Variants in PLAGL1 observed in about 807,000 individuals in gnomAD.
PLAGL1 encodes the protein zinc finger protein PLAGL1.
In PLAGL1, 1 loss-of-function variant was observed where a neutral mutation model predicts 4.6. That is an observed-to-expected ratio of 0.22 (90% confidence interval 0.08 to 1.03). PLAGL1 has a LOEUF of 1.03. Among genes scored for constraint, PLAGL1 ranks in the 50% least tolerant of loss-of-function variants. The pLI, the probability that PLAGL1 is intolerant of heterozygous loss-of-function variation, is 0.58. For missense variants in PLAGL1, 464 were observed against 570.4 expected (o/e 0.81, Z 1.90); for synonymous variants, 240 against 237.8 (o/e 1.01, Z -0.08).
At chr6:143,986,612 A>T (rs1182792271) in intron 1 of PLAGL1, among the ~76,000 whole-genome samples, 11 of 152,322 alleles carry the variant, frequency 7.2e-5, no homozygotes, top group Non-Finnish European at 1.5e-4. Context: ...AACTCCAAAG[A>T]TCATGTTCAG....
chr6:143,969,740 G>T (rs533698186), intron 2 of PLAGL1, among the ~76,000 whole-genome samples: 1 of 151,912 alleles, frequency 6.6e-6, no homozygotes, highest in Non-Finnish European at 1.5e-5. Flanking sequence ...GTGAAGAGGG[G>T]GAGGGAAGAA....
intron 1 of PLAGL1, among the ~76,000 whole-genome samples, chr6:144,040,312 T>C (rs1797624975): frequency 6.6e-6 from 1 of 151,512 alleles, no homozygotes; most frequent in Middle Eastern, 3.2e-3. Flanking sequence ...GTGGATCGCT[T>C]AAACCCGGGA....
intron 1 of PLAGL1, among the ~76,000 whole-genome samples, chr6:144,024,643 T>C (rs756010823): frequency 6.6e-6 from 1 of 152,206 alleles, no homozygotes; most frequent in South Asian, 2.1e-4. Flanking sequence ...ATGTCTTTAT[T>C]AGCAGCATGA....
At position 144,036,165 on chromosome 6, in the gene PLAGL1, T is replaced by C. The variant is rs1369266075; in HGVS notation, c.-151+28303A>G. Reference sequence around the variant, plus strand: ...CAGAATGACTCCTTCCAATGCTCACTAATGCTTAGGGGCCTGAGGAGAAGT... The same window carrying C: ...CAGAATGACTCCTTCCAATGCTCACCAATGCTTAGGGGCCTGAGGAGAAGT... On this transcript the variant is annotated intron_variant, in intron 1 of 3. Transcript: ENST00000437412. The surrounding 1 kb of genome is among the most constrained non-coding windows in gnomAD (Gnocchi z 5.1). 6.6e-6 allele frequency among the ~76,000 whole-genome samples: 1 copy of C among 152,210 alleles called. No individual in the cohort carries two copies. Among genetic ancestry groups the C allele is most frequent in the Non-Finnish European group, 1.5e-5 (1 of 68,030 alleles).
intron 1 of PLAGL1, among the ~76,000 whole-genome samples, chr6:143,998,254 G>A (rs1257250313): frequency 1.3e-5 from 2 of 152,188 alleles, no homozygotes; most frequent in Non-Finnish European, 2.9e-5. Flanking sequence ...TATTGGCAAT[G>A]AAAGCAAAGC....
At chr6:143,946,047 G>GC (rs1427269924) in intron 7 of PLAGL1, among the ~76,000 whole-genome samples, 2 of 151,670 alleles carry the variant, frequency 1.3e-5, no homozygotes, top group Non-Finnish European at 2.9e-5. Context: ...GGAACATGCG[G>GC]GGTACTGATT....
In PLAGL1 at chr6:143,983,622, C is replaced by T. The variant is rs1473606001; in HGVS notation, c.-544+1513G>A. On this transcript the variant is annotated intron_variant, in intron 2 of 7. Transcript: ENST00000674357. This position sits in a 1 kb window ranked among gnomAD's most constrained non-coding sequence, Gnocchi z 6.6. ...CTGGGATATAGATGGCTAAGTACAA[C>T]AAAGCAAAGGGGAGGGACAGAGAAG... Among the ~76,000 whole-genome samples, 2 of 151,954 alleles carry T rather than the reference C, an allele frequency of 1.3e-5. No homozygotes were observed. The highest frequency in any genetic ancestry group is 4.8e-5 in the African/African-American group (2 of 41,360).
At position 144,022,094 on chromosome 6, in the gene PLAGL1, A is replaced by C. The variant is rs911087585; in HGVS notation, c.-151+42374T>G. On this transcript the variant is annotated intron_variant, in intron 1 of 3. Coordinates refer to the PLAGL1 transcript ENST00000437412. The surrounding 1 kb of genome is among the most constrained non-coding windows in gnomAD (Gnocchi z 4.2). ...TCACCAAAAGAATTTTTTAAAAACC[A>C]ACATTCCAAAGACAAACCACAGATT... Among the ~76,000 whole-genome samples the C allele has an allele frequency of 1.3e-5, 2 of 152,248 alleles. No homozygotes were observed. Among genetic ancestry groups the C allele is most frequent in the African/African-American group, 4.8e-5 (2 of 41,472 alleles).
At chr6:144,014,141 T>C (rs898201525) in intron 1 of PLAGL1, among the ~76,000 whole-genome samples, 2 of 152,066 alleles carry the variant, frequency 1.3e-5, no homozygotes, top group African/African-American at 2.4e-5. Context: ...ATCAAGACAA[T>C]AGGGTAATGG....
intron 2 of PLAGL1, among the ~76,000 whole-genome samples, chr6:143,981,936 G>C (rs2128608476): frequency 6.6e-6 from 1 of 152,220 alleles, no homozygotes; most frequent in South Asian, 2.1e-4. Context: ...GGTGGACTTG[G>C]TTTTTAAGAT....
chr6:144,060,607 C>G (rs1001553472), intron 1 of PLAGL1, among the ~76,000 whole-genome samples: 2 of 152,104 alleles, frequency 1.3e-5, no homozygotes, highest in African/African-American at 4.8e-5. Context: ...TCTGCCTCTT[C>G]CCAAGAAAAA....
In PLAGL1 at chr6:144,021,169, G is replaced by A. The variant is rs908741533; in HGVS notation, c.-151+43299C>T. 8.5e-5 allele frequency among the ~76,000 whole-genome samples: 13 copies of A among 152,194 alleles called. No individual in the cohort carries two copies. The East Asian group carries it at 2.1e-3, about 25-fold the overall frequency. ...CACAGAAACAGAACTAAACGGGTAAGAGGTCAAACCTATGCGGTTTGAGCA... is the reference window on the plus strand; with the variant it reads ...CACAGAAACAGAACTAAACGGGTAAAAGGTCAAACCTATGCGGTTTGAGCA... On this transcript the variant is annotated intron_variant, in intron 1 of 3. Transcript: ENST00000437412.
rs919247147 is a variant in PLAGL1, at chr6:143,940,641, C to G, written c.*783G>C. On this transcript the variant is annotated 3_prime_UTR_variant, in exon 8 of 8. Transcript: ENST00000674357. Reference sequence around the variant, plus strand: ...ATTCCAGTAATATTTTCTTAAATTCCTGTTAAAAATATAATCAATATTAAA... The same window carrying G: ...ATTCCAGTAATATTTTCTTAAATTCGTGTTAAAAATATAATCAATATTAAA... 6.6e-6 allele frequency: 1 copy of G among 151,750 alleles called. No individual in the cohort carries two copies. The highest frequency in any genetic ancestry group is 2.4e-5 in the African/African-American group (1 of 41,178). The allele number at this position is 151,750 out of a possible 1,614,324, so 9.4% of individuals were successfully genotyped here.
In PLAGL1 at chr6:143,952,319, T is replaced by C. The variant is rs1264454303; in HGVS notation, c.-324-3859A>G. ...AGAACTTACAGAGCAATGGTCCTGATGCGAGTCATTCTGTTCTGTGACTTG... is the reference window on the plus strand; with the variant it reads ...AGAACTTACAGAGCAATGGTCCTGACGCGAGTCATTCTGTTCTGTGACTTG... On this transcript the variant is annotated intron_variant, in intron 6 of 7. Transcript: ENST00000674357. The surrounding 1 kb of genome is among the most constrained non-coding windows in gnomAD (Gnocchi z 6.1). Among the ~76,000 whole-genome samples, 1 of 152,234 alleles carries C rather than the reference T, an allele frequency of 6.6e-6. No homozygotes were observed. The highest frequency in any genetic ancestry group is 2.4e-5 in the African/African-American group (1 of 41,454).
At chr6:144,054,750 T>C (rs1030726948) in intron 1 of PLAGL1, among the ~76,000 whole-genome samples, 1 of 147,946 alleles carries the variant, frequency 6.8e-6, no homozygotes, top group Non-Finnish European at 1.5e-5. Flanking sequence ...TCCCGGAGCA[T>C]AAAAGAAAAA....
At position 144,048,687 on chromosome 6, in the gene PLAGL1, C is replaced by T. The variant is rs1444480076; in HGVS notation, c.-151+15781G>A. Among the ~76,000 whole-genome samples, 1 of 152,210 alleles carries T rather than the reference C, an allele frequency of 6.6e-6. No homozygotes were observed. The highest frequency in any genetic ancestry group is 2.4e-5 in the African/African-American group (1 of 41,462). On this transcript the variant is annotated intron_variant, in intron 1 of 3. Coordinates refer to the PLAGL1 transcript ENST00000437412. This position sits in a 1 kb window ranked among gnomAD's most constrained non-coding sequence, Gnocchi z 4.8. ...AGGGCTGTAAGCCAGGCCCATGAAA[C>T]CATTTCTTCCCACTAGGCCTCCAGG...
chr6:144,020,099 T>C (rs1045930048), intron 1 of PLAGL1, among the ~76,000 whole-genome samples: 1 of 152,146 alleles, frequency 6.6e-6, no homozygotes, highest in Non-Finnish European at 1.5e-5. Context: ...GCTCACTTCC[T>C]CCTTCTCTCC....
rs542491631 is a variant in PLAGL1 at position 144,052,126 on chromosome 6, C to T, written c.-151+12342G>A. Among the ~76,000 whole-genome samples the T allele has an allele frequency of 5.9e-5, 9 of 152,154 alleles. No individual in the cohort carries two copies. The East Asian group carries it at 9.6e-4, about 16-fold the overall frequency. On this transcript the variant is annotated intron_variant, in intron 1 of 3. Coordinates refer to the PLAGL1 transcript ENST00000437412. ...AGATACTATTTTTAATGACATGATC[C>T]TAGGTTGCTATTCAGAAAAATAAAT...
At chr6:143,988,947 G>A (rs1583467264) in intron 1 of PLAGL1, among the ~76,000 whole-genome samples, 2 of 152,150 alleles carry the variant, frequency 1.3e-5, no homozygotes, top group African/African-American at 4.8e-5. Context: ...CACACATTCA[G>A]TTCATTGCAA....
Sources: gnomAD v4.1 joint callset for allele counts (sites outside exome capture counted in the v4.1 genomes callset) on GRCh38, gnomAD v4.1.1 for gene constraint, Gnocchi (gnomAD v3.1) non-coding constraint, MANE v1.5 for transcripts, NCBI Gene and HGNC (gene_info 2026-07-23, HGNC 2026-07-21) for gene names.